The following TMC1 variants were observed in gnomAD, a reference collection of about 807,000 sequenced individuals.
The protein encoded by TMC1 is transmembrane channel like 1, also known as transmembrane channel-like protein 1.
TMC1 carries 84 observed loss-of-function variants against 105.8 expected under a neutral mutation model. The ratio of observed to expected loss-of-function variants is 0.79; its 90% confidence interval spans 0.67 to 0.95. The LOEUF (loss-of-function observed/expected upper bound fraction) is 0.95, where lower values mean the gene tolerates loss of function less well. Ranked by LOEUF, TMC1 falls within the 40% of genes least tolerant of loss-of-function variation. TMC1 has a pLI of 0.00. For synonymous variants in TMC1, 315 were observed against 311.5 expected, an observed-to-expected ratio of 1.01 and a Z score of -0.12; for missense variants, 817 against 914.1, an observed-to-expected ratio of 0.89 and a Z score of 1.37.
At chr9:72,749,211 G>A (rs140297905) in intron 10 of TMC1, among the ~76,000 whole-genome samples, 58 of 152,264 alleles carry the variant, frequency 3.8e-4, no homozygotes, top group African/African-American at 1.2e-3. Context: ...AGGATGGGCC[G>A]TGGCAATAAT....
intron 12 of TMC1, among the ~76,000 whole-genome samples, chr9:72,760,418 T>C (rs1827737991): frequency 6.6e-6 from 1 of 152,098 alleles, no homozygotes; most frequent in Non-Finnish European, 1.5e-5. Flanking sequence ...TCCTGACTTT[T>C]GCAAAGCCCA....
At chr9:72,702,342 A>G (rs1826659695) in intron 8 of TMC1, among the ~76,000 whole-genome samples, 1 of 152,156 alleles carries the variant, frequency 6.6e-6, no homozygotes, top group Non-Finnish European at 1.5e-5. Flanking sequence ...AGGAGACAGC[A>G]GCTTCAGATT....
At chr9:72,555,830 C>T (rs1823927671) in intron 1 of TMC1, among the ~76,000 whole-genome samples, 1 of 151,568 alleles carries the variant, frequency 6.6e-6, no homozygotes, top group African/African-American at 2.4e-5. Context: ...ACCATATTCC[C>T]CAGGCTGGTC....
At chr9:72,681,464 T>A (rs563048282) in intron 5 of TMC1, among the ~76,000 whole-genome samples, 2 of 152,242 alleles carry the variant, frequency 1.3e-5, no homozygotes, top group East Asian at 3.9e-4. Context: ...TGTAGACTGA[T>A]GGTGTCGTGA....
chr9:72,591,041 C>G (rs1379319875), intron 2 of TMC1, among the ~76,000 whole-genome samples: 1 of 152,120 alleles, frequency 6.6e-6, no homozygotes. Flanking sequence ...AACAGTGGTG[C>G]AAGACTCTAA....
At chr9:72,741,154 A>G (rs1248629128) in intron 9 of TMC1, 1 of 162,232 alleles carries the variant, frequency 6.2e-6, no homozygotes, top group Non-Finnish European at 1.3e-5. Flanking sequence ...ATACACAATT[A>G]CTTGTCTTCT....
At chr9:72,826,831 T>C (rs751970019) in intron 20 of TMC1, 38 bp from the exon 21 acceptor site, 1 of 1,611,244 alleles carries the variant, frequency 6.2e-7, no homozygotes, top group South Asian at 1.1e-5. Context: ...TTCCATATGT[T>C]CTTAATAAAC....
chr9:72,613,316 G>A (rs1825065428), intron 2 of TMC1, among the ~76,000 whole-genome samples: 1 of 151,864 alleles, frequency 6.6e-6, no homozygotes, highest in African/African-American at 2.4e-5. Flanking sequence ...AGTAGAGATG[G>A]GGTTTCACCA....
At chr9:72,627,840 T>C (rs1825376900) in intron 3 of TMC1, 81 bp from the exon 4 acceptor site, 1 of 350,440 alleles carries the variant, frequency 2.9e-6, no homozygotes, top group Non-Finnish European at 5.6e-6. Flanking sequence ...TTAAAAAACA[T>C]TCTTTACTCA....
intron 5 of TMC1, among the ~76,000 whole-genome samples, chr9:72,654,500 T>A (rs56149748): frequency 0.1 from 15,461 of 149,954 alleles, 825 homozygotes; most frequent in Non-Finnish European, 0.13. Flanking sequence ...AAATTCTTTG[T>A]TGTTGTTCCA....
At chr9:72,698,725 G>T (rs557406185) in intron 7 of TMC1, among the ~76,000 whole-genome samples, 3 of 152,298 alleles carry the variant, frequency 2.0e-5, no homozygotes, top group South Asian at 4.1e-4. Flanking sequence ...CGAAAACACT[G>T]TAGCGTAGAG....
intron 1 of TMC1, among the ~76,000 whole-genome samples, chr9:72,564,025 C>T (rs188051786): frequency 8.9e-4 from 135 of 151,478 alleles, no homozygotes; most frequent in African/African-American, 2.9e-3. Context: ...GTTTCCTAGG[C>T]GATCATATCA....
chr9:72,664,807 C>T (rs1262362871), intron 5 of TMC1, among the ~76,000 whole-genome samples: 1 of 152,226 alleles, frequency 6.6e-6, no homozygotes, highest in Non-Finnish European at 1.5e-5. Flanking sequence ...TTCCTGGACA[C>T]TGGACAAGAA....
rs1273324043 is a variant in TMC1 at position 72,628,070 on chromosome 9, A to G, written c.-53+7A>G. Reference sequence around the variant, plus strand: ...AGGAGCTGCAGAAGGGAAGGTAGTGAGGAGACAGTTAAATATTGAGCACGT... The same window carrying G: ...AGGAGCTGCAGAAGGGAAGGTAGTGGGGAGACAGTTAAATATTGAGCACGT... On this transcript the variant is annotated splice_region_variant and intron_variant, in intron 4 of 23. Coordinates refer to ENST00000297784, the MANE Select transcript of TMC1 (RefSeq NM_138691.3). The G allele has an allele frequency of 2.2e-6, 1 of 455,776 alleles. No homozygotes were observed. The highest frequency in any genetic ancestry group is 4.4e-6 in the Non-Finnish European group (1 of 226,794). 28.2% of individuals were successfully genotyped at this position (455,776 alleles called of 1,614,324 possible). A position where few individuals can be genotyped will look rare whatever the true frequency, so the allele number is the denominator to read the frequency against.
At chr9:72,735,412 C>T (rs138304387) in intron 8 of TMC1, among the ~76,000 whole-genome samples, 1 of 152,284 alleles carries the variant, frequency 6.6e-6, no homozygotes, top group East Asian at 1.9e-4. Flanking sequence ...AATGGATTAG[C>T]TGTAGAAAAT....
At chr9:72,756,533 A>C (rs1349946948) in intron 12 of TMC1, among the ~76,000 whole-genome samples, 1 of 151,350 alleles carries the variant, frequency 6.6e-6, no homozygotes, top group East Asian at 1.9e-4. Flanking sequence ...TATCTCTCTC[A>C]CTTTCAAATT....
In TMC1 at chr9:72,789,322, G is replaced by T. The variant is rs397517835; in HGVS notation, c.1224+5G>T. On this transcript the variant is annotated splice_donor_5th_base_variant and intron_variant, in intron 15 of 23. Coordinates refer to ENST00000297784, the MANE Select transcript of TMC1 (RefSeq NM_138691.3). ...GGGTGGTGGGAAAAAAATGAAGTTCGTCTCTGCATGCTTTTTATGTGCTTA... is the reference window on the plus strand; with the variant it reads ...GGGTGGTGGGAAAAAAATGAAGTTCTTCTCTGCATGCTTTTTATGTGCTTA... 6.2e-7 allele frequency: 1 copy of T among 1,613,040 alleles called. No individual in the cohort carries two copies. Among genetic ancestry groups the T allele is most frequent in the Non-Finnish European group, 8.5e-7 (1 of 1,179,184 alleles).
chr9:72,717,404 G>A (rs1211031634), intron 8 of TMC1, among the ~76,000 whole-genome samples: 1 of 152,074 alleles, frequency 6.6e-6, no homozygotes, highest in Admixed American at 6.5e-5. Context: ...AATGGGTCTT[G>A]TGAGACTCAT....
At chr9:72,710,786 C>CT (rs931661259) in intron 8 of TMC1, among the ~76,000 whole-genome samples, 3 of 151,406 alleles carry the variant, frequency 2.0e-5, no homozygotes, top group South Asian at 2.1e-4. Flanking sequence ...TTGGTGAATA[C>CT]TTTTTTTTTA....
Sources: gnomAD v4.1 joint callset for allele counts (sites outside exome capture counted in the v4.1 genomes callset) on GRCh38, gnomAD v4.1.1 for gene constraint, MANE v1.5 for transcripts, NCBI Gene and HGNC (gene_info 2026-07-23, HGNC 2026-07-21) for gene names.